The following PLCXD3 variants were observed in gnomAD, a reference collection of about 807,000 sequenced individuals.
The protein encoded by PLCXD3 is PI-PLC X domain-containing protein 3.
A neutral mutation model predicts 25.5 loss-of-function variants in PLCXD3; 19 were observed. The ratio of observed to expected loss-of-function variants is 0.75; its 90% confidence interval spans 0.52 to 1.09. The LOEUF is 1.09. Among genes scored for constraint, PLCXD3 ranks in the 50% least tolerant of loss-of-function variants. The pLI is 0.00. For missense variants in PLCXD3, 411 were observed against 388.1 expected (o/e 1.06, Z -0.50); for synonymous variants, 174 against 137.6 (o/e 1.26, Z -1.85).
chr5:41,381,843 T>C lies in PLCXD3; in HGVS notation c.795A>G (p.Arg265=). 6.2e-7 allele frequency: 1 copy of C among 1,608,160 alleles called. No individual in the cohort carries two copies. Among genetic ancestry groups the C allele is most frequent in the Non-Finnish European group, 8.5e-7 (1 of 1,177,658 alleles). The change falls in exon 2 of 3, where the codon AGA becomes AGG. Residue 265 remains arginine (R), a synonymous_variant. Transcript: ENST00000377801. ...TVVKGVASGL[R]ETITERALPA... is the part of the protein sequence containing the mutation. ...ACACTTACCTTTCTGTGATTGTTTC[T>C]CTGAGGCCACTTGCCACCCCTTTGA...
intron 1 of PLCXD3, 45 bp from the exon 2 acceptor site, chr5:41,382,579 G>T (rs319013): frequency 0.62 from 903,841 of 1,455,144 alleles, 282,924 homozygotes; most frequent in South Asian, 0.71. Flanking sequence ...CCACGTCTTT[G>T]CCCTTCCCAC....
At chr5:41,456,628 T>G in intron 1 of PLCXD3, 1 of 646,134 alleles carries the variant, frequency 1.5e-6, no homozygotes, top group Non-Finnish European at 1.9e-6. Context: ...TTCCCTAATG[T>G]GAGGGTATTT....
chr5:41,491,678 G>C (rs56102630), intron 1 of PLCXD3, among the ~76,000 whole-genome samples: 4 of 151,638 alleles, frequency 2.6e-5, no homozygotes, highest in East Asian at 1.9e-4. Context: ...CATCCCTTTA[G>C]CATTATGTAA....
intron 2 of PLCXD3, among the ~76,000 whole-genome samples, chr5:41,336,743 G>C (rs891625830): frequency 1.3e-5 from 2 of 152,134 alleles, no homozygotes; most frequent in African/African-American, 4.8e-5. Flanking sequence ...CTGGGGAGGG[G>C]TGGGAGGAGA....
intron 1 of PLCXD3, among the ~76,000 whole-genome samples, chr5:41,410,970 T>C (rs1285330196): frequency 6.6e-6 from 1 of 152,184 alleles, no homozygotes; most frequent in Non-Finnish European, 1.5e-5. Context: ...TGAGTATATG[T>C]AACCACAGGA....
intron 1 of PLCXD3, among the ~76,000 whole-genome samples, chr5:41,388,685 A>G (rs1044414768): frequency 3.9e-5 from 6 of 152,054 alleles, no homozygotes; most frequent in African/African-American, 1.4e-4. Flanking sequence ...TAAGAAAACT[A>G]AAACTGACAC....
chr5:41,400,022 G>T (rs1580351635), intron 1 of PLCXD3, among the ~76,000 whole-genome samples: 1 of 152,150 alleles, frequency 6.6e-6, no homozygotes, highest in Middle Eastern at 3.4e-3. Flanking sequence ...ATTAAAAATG[G>T]ACAAAAGAGC....
At chr5:41,450,860 A>T (rs963837070) in intron 1 of PLCXD3, among the ~76,000 whole-genome samples, 7 of 152,072 alleles carry the variant, frequency 4.6e-5, no homozygotes, top group Admixed American at 2.6e-4. Context: ...AGGAAAGGGG[A>T]AAAGAAGGAG....
In PLCXD3 at chr5:41,406,034, C is replaced by A. The variant is rs369095097; in HGVS notation, c.104-23500G>T. ...GTTTATTCTATTAAATAAGCAAATA[C>A]GTGAATCCTGCACAGCCTTTCTGGA... On this transcript the variant is annotated intron_variant, in intron 1 of 2. Transcript: ENST00000377801. Among the ~76,000 whole-genome samples, 189 of 152,162 alleles carry A rather than the reference C, an allele frequency of 1.2e-3. 2 individuals are homozygous for A. In the South Asian group the frequency reaches 0.036, roughly 29 times the overall value.
At position 41,503,987 on chromosome 5, in the gene PLCXD3, T is replaced by TTGTGTG. The variant is rs36021542; in HGVS notation, c.103+6431_103+6436dup. 2.2e-3 allele frequency among the ~76,000 whole-genome samples: 328 copies of TTGTGTG among 148,556 alleles called. 2 individuals carry two copies. The highest frequency in any genetic ancestry group is 0.017 in the East Asian group (87 of 5,038). Reference sequence around the variant, plus strand: ...AAAATGTGTGTGTGTGTGTGTGCACTTGTGTGTGTGTGTGTGTGTGTGTGA... The same window carrying TTGTGTG: ...AAAATGTGTGTGTGTGTGTGTGCACTTGTGTGTGTGTGTGTGTGTGTGTGTGTGTGA... On this transcript the variant is annotated intron_variant, in intron 1 of 2. Coordinates refer to ENST00000377801, the MANE Select transcript of PLCXD3 (RefSeq NM_001005473.3).
At chr5:41,444,913 TG>T (rs1216598484) in intron 1 of PLCXD3, among the ~76,000 whole-genome samples, 6 of 152,202 alleles carry the variant, frequency 3.9e-5, no homozygotes, top group Non-Finnish European at 8.8e-5. Flanking sequence ...TAGAATATTT[TG>T]GGGGTATTCT....
rs540934731 is a variant in PLCXD3, at chr5:41,434,473, T to A, written c.104-51939A>T. Among the ~76,000 whole-genome samples, 3 of 152,254 alleles carry A rather than the reference T, an allele frequency of 2.0e-5. No individual in the cohort carries two copies. The South Asian group carries it at 6.2e-4, about 32-fold the overall frequency. ...CTAGGGAGGTTCATGGAGCTCCACT[T>A]GGTGACTAGATTGAGGCCTGGATTT... On this transcript the variant is annotated intron_variant, in intron 1 of 2. Coordinates refer to ENST00000377801, the MANE Select transcript of PLCXD3 (RefSeq NM_001005473.3).
chr5:41,346,437 A>G (rs946233004), intron 2 of PLCXD3, among the ~76,000 whole-genome samples: 4 of 152,194 alleles, frequency 2.6e-5, no homozygotes, highest in African/African-American at 9.7e-5. Context: ...CTACCATTAC[A>G]GTACCACAGT....
At position 41,421,601 on chromosome 5, in the gene PLCXD3, T is replaced by C. The variant is rs189501062; in HGVS notation, c.104-39067A>G. 2.4e-3 allele frequency among the ~76,000 whole-genome samples: 371 copies of C among 152,226 alleles called. 10 individuals carry two copies. The East Asian group carries it at 0.051, about 21-fold the overall frequency. ...CTGTAGTCCCAGCTACTCGGGAGGC[T>C]GAGGCAGGAGAATGGCGTGAACCCG... On this transcript the variant is annotated intron_variant, in intron 1 of 2. Coordinates refer to ENST00000377801, the MANE Select transcript of PLCXD3 (RefSeq NM_001005473.3).
chr5:41,388,720 A>C (rs1745716524), intron 1 of PLCXD3, among the ~76,000 whole-genome samples: 1 of 152,046 alleles, frequency 6.6e-6, no homozygotes, highest in African/African-American at 2.4e-5. Context: ...TGAGCTTTTC[A>C]TTAGTCATAT....
intron 1 of PLCXD3, among the ~76,000 whole-genome samples, chr5:41,496,837 G>C (rs537463973): frequency 6.6e-6 from 1 of 151,576 alleles, no homozygotes; most frequent in East Asian, 1.9e-4. Flanking sequence ...TTCAATTCAG[G>C]TATAAGAGTT....
At chr5:41,435,844 C>A (rs985858728) in intron 1 of PLCXD3, among the ~76,000 whole-genome samples, 2 of 152,222 alleles carry the variant, frequency 1.3e-5, no homozygotes, top group African/African-American at 4.8e-5. Context: ...TTCTCCTTCT[C>A]CCGTAAAGAA....
chr5:41,386,412 A>G (rs1745636380), intron 1 of PLCXD3, among the ~76,000 whole-genome samples: 1 of 152,072 alleles, frequency 6.6e-6, no homozygotes, highest in African/African-American at 2.4e-5. Context: ...TATGATTTCC[A>G]GTAGTACTGG....
chr5:41,361,200 G>A (rs1371367806), intron 2 of PLCXD3, among the ~76,000 whole-genome samples: 2 of 152,122 alleles, frequency 1.3e-5, no homozygotes, highest in African/African-American at 4.8e-5. Flanking sequence ...GGCAGTCACA[G>A]GCCTCACCCC....
Sources: gnomAD v4.1 joint callset for allele counts (sites outside exome capture counted in the v4.1 genomes callset) on GRCh38, gnomAD v4.1.1 for gene constraint, MANE v1.5 for transcripts, NCBI Gene and HGNC (gene_info 2026-07-23, HGNC 2026-07-21) for gene names.